Variants in ERG28 observed in about 807,000 individuals in gnomAD.
ERG28 encodes the protein ergosterol biosynthetic protein 28 homolog.
Under a neutral mutation model 15.7 loss-of-function variants are expected in ERG28, and 9 were observed. The ratio of observed to expected loss-of-function variants is 0.57; its 90% CI spans 0.35 to 1.00. The LOEUF is 1.00. Among genes scored for constraint, ERG28 ranks in the 50% least tolerant of loss-of-function variants. The probability of loss-of-function intolerance (pLI) is 0.02; values close to 1 mark genes in which losing one functional copy is unlikely to be tolerated. For missense variants in ERG28, 117 were observed against 173.3 expected (o/e 0.68, Z 1.82); for synonymous variants, 61 against 68.4 (o/e 0.89, Z 0.53).
chr14:75,657,329 A>G (rs762698443), intron 2 of ERG28, 41 bp downstream of exon 2: 45 of 1,610,484 alleles, frequency 2.8e-5, no homozygotes, highest in Admixed American at 5.0e-5. Context: ...GGCCAGTCCT[A>G]TAAGTCCTAT....
At chr14:75,659,179 G>C (rs1890636801) in intron 1 of ERG28, among the ~76,000 whole-genome samples, 1 of 152,124 alleles carries the variant, frequency 6.6e-6, no homozygotes, top group South Asian at 2.1e-4. Context: ...AGCAAAGTTG[G>C]CAGAGCTGAG....
chr14:75,657,497 GC>G lies in ERG28; in HGVS notation c.5del (p.Ser2ThrfsTer4), dbSNP rs1438691712. On this transcript the variant is annotated frameshift_variant, in exon 2 of 5. Transcript: ENST00000256319. LOFTEE classifies it high-confidence loss of function. M[S>X]RFLNVLRSWL... ...AACTTCTTAACACATTCAGGAAACG[GC>G]TCATGACTCCCCTCAAACGTGGGAG... 6.2e-7 allele frequency: 1 copy of G among 1,613,852 alleles called. No individual in the cohort carries two copies. The highest frequency in any genetic ancestry group is 8.5e-7 in the Non-Finnish European group (1 of 1,179,926).
chr14:75,660,487 G>A (rs1890673248), intron 1 of ERG28, among the ~76,000 whole-genome samples: 1 of 152,158 alleles, frequency 6.6e-6, no homozygotes, highest in Non-Finnish European at 1.5e-5. Context: ...TCAACCCGAA[G>A]GGCTATTGTA....
chr14:75,658,637 T>G (rs1192639238), intron 1 of ERG28, among the ~76,000 whole-genome samples: 1 of 152,256 alleles, frequency 6.6e-6, no homozygotes, highest in Non-Finnish European at 1.5e-5. Flanking sequence ...ACTTAAATGT[T>G]AGGTCTCCAC....
At chr14:75,660,171 G>A (rs1422081306) in intron 1 of ERG28, among the ~76,000 whole-genome samples, 1 of 152,216 alleles carries the variant, frequency 6.6e-6, no homozygotes, top group East Asian at 1.9e-4. Context: ...TTATCTGTTA[G>A]AAATCCCAAC....
Position 75,657,136 on chromosome 14 carries a change from C to T in ERG28, c.133+234G>A, listed in dbSNP as rs572642807. Among the ~76,000 whole-genome samples, 7 of 152,028 alleles carry T rather than the reference C, an allele frequency of 4.6e-5. No homozygotes were observed. The East Asian group carries it at 1.4e-3, about 29-fold the overall frequency. On this transcript the variant is annotated intron_variant, in intron 2 of 4. Coordinates refer to ENST00000256319, the MANE Select transcript of ERG28 (RefSeq NM_007176.4). ...AGTGCTCACCACAAAGTCTATTACT[C>T]CAGTAGCTGCCAAAGGCTAGCTAAG...
intron 2 of ERG28, among the ~76,000 whole-genome samples, chr14:75,655,959 G>A (rs577939911): frequency 6.6e-6 from 1 of 152,244 alleles, no homozygotes; most frequent in African/African-American, 2.4e-5. Context: ...TGGGCTTTAA[G>A]GATTTTTCCA....
chr14:75,651,601 C>G lies in ERG28; in HGVS notation c.377G>C (p.Arg126Pro). ...FSILGMLVGL[R>P]YLEVEPVSRQ... is the part of the protein sequence containing the mutation. ...GGATACTGGTTCTACTTCTAGATACCGGAGCCCGACCAGCATACCCAGGAT... is the reference window on the plus strand; with the variant it reads ...GGATACTGGTTCTACTTCTAGATACGGGAGCCCGACCAGCATACCCAGGAT... The change falls in exon 5 of 5, where the codon CGG becomes CCG. Residue 126 changes from arginine (R) to proline (P), a missense_variant. Physicochemically the swap from Arg to Pro is moderately radical, Grantham distance 103. Transcript: ENST00000256319. 6.2e-7 allele frequency: 1 copy of G among 1,613,560 alleles called. No individual in the cohort carries two copies. The highest frequency in any genetic ancestry group is 8.5e-7 in the Non-Finnish European group (1 of 1,179,546).
chr14:75,651,614 G>A lies in ERG28; in HGVS notation c.364C>T (p.Leu122=), dbSNP rs745626669. 4 of 1,613,678 alleles carry A rather than the reference G, an allele frequency of 2.5e-6. No homozygotes were observed. The highest frequency in any genetic ancestry group is 8.5e-7 in the Non-Finnish European group (1 of 1,179,588). Residue 122 remains leucine, a synonymous_variant, in exon 5 of 5, where the codon CTG becomes TTG. Coordinates refer to ENST00000256319, the MANE Select transcript of ERG28 (RefSeq NM_007176.4). Reference sequence around the variant, plus strand: ...ACTTCTAGATACCGGAGCCCGACCAGCATACCCAGGATGGAGAAACCTTAA... The same window carrying A: ...ACTTCTAGATACCGGAGCCCGACCAACATACCCAGGATGGAGAAACCTTAA... The part of the protein sequence containing the change: ...MVASFSILGM[L]VGLRYLEVEP...
Position 75,651,118 on chromosome 14 carries a change from A to AT in ERG28, c.*436_*437insA. The stretch of plus-strand genomic sequence containing the variant: ...GCAGAGAGGAGCCCAACCTGCGTGG[A>AT]CAACCCCTTGAGGCAGCCCTTGGTC... On this transcript the variant is annotated 3_prime_UTR_variant, in exon 5 of 5. Coordinates refer to ENST00000256319, the MANE Select transcript of ERG28 (RefSeq NM_007176.4). The AT allele has an allele frequency of 1.2e-5, 2 of 160,926 alleles. No individual in the cohort carries two copies. The highest frequency in any genetic ancestry group is 1.6e-4 in the South Asian group (1 of 6,062). The allele number at this position is 160,926 out of a possible 1,614,324, so 10.0% of individuals were successfully genotyped here.
In ERG28 at chr14:75,650,808, A is replaced by G. The variant is rs1890514947; in HGVS notation, c.*747T>C. 1 of 152,478 alleles carries G rather than the reference A, an allele frequency of 6.6e-6. No individual in the cohort carries two copies. The highest frequency in any genetic ancestry group is 2.4e-5 in the African/African-American group (1 of 41,472). 9.4% of individuals were successfully genotyped at this position (152,478 alleles called of 1,614,324 possible). The stretch of plus-strand genomic sequence containing the variant: ...TGTCCTACTCACTATGGTGTATTCA[A>G]TCAGGCATAAAGCTGTGATTCTCCT... On this transcript the variant is annotated 3_prime_UTR_variant, in exon 5 of 5. Coordinates refer to ENST00000256319, the MANE Select transcript of ERG28 (RefSeq NM_007176.4).
At position 75,651,474 on chromosome 14, in the gene ERG28, GAAATT is replaced by G; in HGVS notation, c.*76_*80del. 1 of 1,357,882 alleles carries G rather than the reference GAAATT, an allele frequency of 7.4e-7. No homozygotes were observed. The highest frequency in any genetic ancestry group is 1.5e-5 in the African/African-American group (1 of 68,318). The allele number at this position is 1,357,882 out of a possible 1,614,324, so 84.1% of individuals were successfully genotyped here. A position where few individuals can be genotyped will look rare whatever the true frequency, so the allele number is the denominator to read the frequency against. ...AAAGGGCAGATGATGGAATAGAAAA[GAAATT>G]AAAGAGGAGAGACGACGAAGGAAGA... is the stretch of plus-strand genomic sequence containing the variant. On this transcript the variant is annotated 3_prime_UTR_variant, in exon 5 of 5. Coordinates refer to ENST00000256319, the MANE Select transcript of ERG28 (RefSeq NM_007176.4).
chr14:75,651,437 T>C lies in ERG28; in HGVS notation c.*118A>G. The stretch of plus-strand genomic sequence containing the variant: ...AATTTTAAAAATTAAAAAAAGAGGC[T>C]AAAAGTGAATAAAAGGGCAGATGAT... On this transcript the variant is annotated 3_prime_UTR_variant, in exon 5 of 5. Coordinates refer to ENST00000256319, the MANE Select transcript of ERG28 (RefSeq NM_007176.4). 1 of 1,003,842 alleles carries C rather than the reference T, an allele frequency of 1.0e-6. No homozygotes were observed. Among genetic ancestry groups the C allele is most frequent in the Non-Finnish European group, 1.5e-6 (1 of 672,022 alleles). 62.2% of individuals were successfully genotyped at this position (1,003,842 alleles called of 1,614,324 possible).
chr14:75,653,796 G>A (rs1262073923), intron 3 of ERG28, among the ~76,000 whole-genome samples: 1 of 151,926 alleles, frequency 6.6e-6, no homozygotes, highest in Non-Finnish European at 1.5e-5. Context: ...TCATTTTATG[G>A]ATGAAGAGGC....
intron 3 of ERG28, among the ~76,000 whole-genome samples, chr14:75,653,957 A>AC (rs1890564418): frequency 6.6e-6 from 1 of 151,742 alleles, no homozygotes; most frequent in Admixed American, 6.6e-5. Flanking sequence ...AATTAAAAAA[A>AC]AAAATAAGGT....
At chr14:75,653,303 G>A (rs919138642) in intron 3 of ERG28, among the ~76,000 whole-genome samples, 1 of 151,830 alleles carries the variant, frequency 6.6e-6, no homozygotes, top group African/African-American at 2.4e-5. Flanking sequence ...GGTAACTGAG[G>A]TAAAGATAAG....
intron 1 of ERG28, among the ~76,000 whole-genome samples, chr14:75,658,425 C>T (rs1890626180): frequency 6.6e-6 from 1 of 152,152 alleles, no homozygotes; most frequent in Admixed American, 6.5e-5. Context: ...GCAGCTCATC[C>T]AGCTCACAGA....
In ERG28 at chr14:75,651,577, G is replaced by A. The variant is rs1217926345; in HGVS notation, c.401C>T (p.Ser134Phe). The A allele has an allele frequency of 1.2e-5, 19 of 1,613,022 alleles. No individual in the cohort carries two copies. Among genetic ancestry groups the A allele is most frequent in the Non-Finnish European group, 1.6e-5 (19 of 1,179,182 alleles). ...GLRYLEVEPV[S>F]RQKKRN ...GCCTCAGTTTCTCTTCTTCTGTCTGGATACTGGTTCTACTTCTAGATACCG... is the reference window on the plus strand; with the variant it reads ...GCCTCAGTTTCTCTTCTTCTGTCTGAATACTGGTTCTACTTCTAGATACCG... Residue 134 changes from serine (S) to phenylalanine (F), a missense_variant, in exon 5 of 5, where the codon TCC (serine) becomes TTC (phenylalanine). Ser to Phe is a radical substitution (Grantham distance 155, BLOSUM62 -2). Transcript: ENST00000256319.
intron 1 of ERG28, among the ~76,000 whole-genome samples, chr14:75,659,022 T>C (rs1350215375): frequency 6.6e-6 from 1 of 152,270 alleles, no homozygotes. Context: ...GTTTCAGTCA[T>C]TGAGCACTTA....
Sources: gnomAD v4.1 joint callset for allele counts (sites outside exome capture counted in the v4.1 genomes callset) on GRCh38, gnomAD v4.1.1 for gene constraint, MANE v1.5 for transcripts, NCBI Gene and HGNC (gene_info 2026-07-23, HGNC 2026-07-21) for gene names.